Variants in CCDC102B observed in about 807,000 individuals in gnomAD.
CCDC102B encodes the protein coiled-coil domain containing 102B, also known as coiled-coil domain-containing protein 102B.
In CCDC102B, 75 loss-of-function variants were observed where a neutral mutation model predicts 57.4. The observed-to-expected ratio is 1.31, with a 90% CI of 1.08 to 1.58. The LOEUF is 1.58. CCDC102B is among the 40% of genes most tolerant of loss of function. CCDC102B has a pLI of 0.00. For missense variants in CCDC102B, 636 were observed against 582.6 expected (o/e 1.09, Z -0.94); for synonymous variants, 206 against 201.9 (o/e 1.02, Z -0.17).
intron 6 of CCDC102B, among the ~76,000 whole-genome samples, chr18:68,930,094 G>A (rs2041616717): frequency 6.6e-6 from 1 of 151,024 alleles, no homozygotes; most frequent in African/African-American, 2.4e-5. Context: ...CACCTTGCTG[G>A]GAAGATCTAC....
At chr18:68,899,703 A>G (rs977884271) in intron 6 of CCDC102B, 1 of 152,158 alleles carries the variant, frequency 6.6e-6, no homozygotes, top group African/African-American at 2.4e-5. Flanking sequence ...TGTAAAAAAT[A>G]TGTTAGGTTT....
intron 6 of CCDC102B, among the ~76,000 whole-genome samples, chr18:68,907,280 C>T (rs1408155696): frequency 1.3e-5 from 2 of 151,824 alleles, no homozygotes; most frequent in Middle Eastern, 3.4e-3. Flanking sequence ...TTTGGATATT[C>T]AAAGCCTCCT....
chr18:68,839,657 G>T (rs1054985676), intron 3 of CCDC102B, among the ~76,000 whole-genome samples: 2 of 152,150 alleles, frequency 1.3e-5, no homozygotes, highest in African/African-American at 4.8e-5. Flanking sequence ...GCTGGGGGCT[G>T]CAGCCTCTTT....
At chr18:69,037,070 C>T (rs540053322) in intron 7 of CCDC102B, among the ~76,000 whole-genome samples, 5 of 151,968 alleles carry the variant, frequency 3.3e-5, no homozygotes, top group South Asian at 2.1e-4. Context: ...CATATATACA[C>T]GCACATACAC....
intron 6 of CCDC102B, among the ~76,000 whole-genome samples, chr18:68,962,146 T>G (rs2050062194): frequency 6.6e-6 from 1 of 152,162 alleles, no homozygotes; most frequent in Non-Finnish European, 1.5e-5. Context: ...CATGTTTTGC[T>G]TTAGTTTCCC....
chr18:68,838,350 G>A, intron 2 of CCDC102B: 1 of 893,902 alleles, frequency 1.1e-6, no homozygotes, highest in Non-Finnish European at 1.3e-6. Flanking sequence ...AACTGTAAGT[G>A]TCTTATGACA....
chr18:68,728,598 T>C (rs991944762), intron 2 of CCDC102B, among the ~76,000 whole-genome samples: 1 of 152,200 alleles, frequency 6.6e-6, no homozygotes, highest in Non-Finnish European at 1.5e-5. Context: ...CTGTAGTCTA[T>C]TGCTGCTTGC....
At chr18:68,785,371 C>T (rs968303216) in intron 2 of CCDC102B, among the ~76,000 whole-genome samples, 3 of 152,100 alleles carry the variant, frequency 2.0e-5, no homozygotes, top group Non-Finnish European at 4.4e-5. Context: ...TCAAATGGTA[C>T]TTCCAGTTCT....
intron 7 of CCDC102B, among the ~76,000 whole-genome samples, chr18:69,051,030 A>G (rs895939600): frequency 6.6e-6 from 1 of 152,030 alleles, no homozygotes; most frequent in Non-Finnish European, 1.5e-5. Context: ...GACTACAGGC[A>G]CGTGCCACCA....
chr18:69,030,401 G>T (rs80157924), intron 7 of CCDC102B, among the ~76,000 whole-genome samples: 4,501 of 152,234 alleles, frequency 0.03, 144 homozygotes, highest in East Asian at 0.16. Context: ...TATCTGGAAA[G>T]ATATGGCAAT....
chr18:68,832,230 C>G (rs916421948), intron 1 of CCDC102B, among the ~76,000 whole-genome samples: 3 of 152,222 alleles, frequency 2.0e-5, no homozygotes, highest in African/African-American at 7.2e-5. Context: ...TAACTTCTGC[C>G]AAAAATGCTT....
chr18:68,959,844 G>T (rs1201384009), intron 6 of CCDC102B, among the ~76,000 whole-genome samples: 3 of 152,050 alleles, frequency 2.0e-5, no homozygotes, highest in African/African-American at 7.2e-5. Flanking sequence ...TCTTCATTCA[G>T]CTTTGGTGAA....
rs138579281 is a variant in CCDC102B, at chr18:68,858,643, G to A, written c.936+12222G>A. 3.1e-3 allele frequency among the ~76,000 whole-genome samples: 467 copies of A among 152,144 alleles called. 2 individuals carry two copies. The highest frequency in any genetic ancestry group is 0.01 in the African/African-American group (425 of 41,484). ...GAGTTTTGATCAATGGGTTGTATCC[G>A]TCACTTTGAGGTACGCCTCAGTTTT... On this transcript the variant is annotated intron_variant, in intron 4 of 7. Coordinates refer to ENST00000360242, the MANE Select transcript of CCDC102B (RefSeq NM_024781.3).
intron 7 of CCDC102B, among the ~76,000 whole-genome samples, chr18:69,036,052 T>C (rs949079993): frequency 6.6e-6 from 1 of 152,130 alleles, no homozygotes; most frequent in South Asian, 2.1e-4. Flanking sequence ...GAGTTGGTCC[T>C]GTTCTATTGC....
chr18:69,024,640 G>A (rs759562361), intron 7 of CCDC102B, among the ~76,000 whole-genome samples: 1 of 151,912 alleles, frequency 6.6e-6, no homozygotes, highest in Non-Finnish European at 1.5e-5. Context: ...TTTTACGTGG[G>A]ATAAAAATGA....
intron 7 of CCDC102B, 86 bp downstream of exon 7, chr18:69,011,190 A>G: frequency 8.8e-7 from 1 of 1,132,070 alleles, no homozygotes; most frequent in Non-Finnish European, 1.2e-6. Context: ...TTATTAACAT[A>G]TGGCATTAAT....
At chr18:68,909,789 G>A (rs1271743386) in intron 6 of CCDC102B, among the ~76,000 whole-genome samples, 1 of 152,168 alleles carries the variant, frequency 6.6e-6, no homozygotes. Context: ...AGCAGGATCA[G>A]ATCACATATA....
intron 2 of CCDC102B, among the ~76,000 whole-genome samples, chr18:68,758,797 T>C (rs2034145108): frequency 6.6e-6 from 1 of 151,632 alleles, no homozygotes. Context: ...AGGGGTTATA[T>C]GAAAGCCTTT....
rs530957083 is a variant in CCDC102B, at chr18:68,748,205, G to GGTATGTGTGTGT, written c.-67+31613_-67+31614insATGTGTGTGTGT. On this transcript the variant is annotated intron_variant, in intron 2 of 3. Coordinates refer to the CCDC102B transcript ENST00000578970. ...TAGGTACTTTGTCCATTATTAAACT[G>GGTATGTGTGTGT]GTGTGTGTGTGTGTGTGTGTGTGTG... is the stretch of plus-strand genomic sequence containing the variant. 6.6e-3 allele frequency among the ~76,000 whole-genome samples: 903 copies of GGTATGTGTGTGT among 137,572 alleles called. 30 individuals carry two copies. Among genetic ancestry groups the GGTATGTGTGTGT allele is most frequent in the South Asian group, 0.011 (44 of 3,904 alleles). The allele number at this position is 137,572 out of a possible 152,430, so 90.3% of individuals were successfully genotyped here. A position where few individuals can be genotyped will look rare whatever the true frequency, so the allele number is the denominator to read the frequency against.
Sources: gnomAD v4.1 joint callset for allele counts (sites outside exome capture counted in the v4.1 genomes callset) on GRCh38, gnomAD v4.1.1 for gene constraint, MANE v1.5 for transcripts, NCBI Gene and HGNC (gene_info 2026-07-23, HGNC 2026-07-21) for gene names.